UBXN4: variants seen among roughly 807,000 people sequenced by gnomAD.
UBXN4 encodes the protein UBX domain-containing protein 4.
Under a neutral mutation model 66.2 loss-of-function variants are expected in UBXN4, and 35 were observed. The observed-to-expected ratio is 0.53, with a 90% confidence interval of 0.40 to 0.70. The LOEUF (loss-of-function observed/expected upper bound fraction) is 0.70. UBXN4 is among the 30% of genes least tolerant of loss of function. The pLI is 0.00. For missense variants in UBXN4, 533 were observed against 599.8 expected (o/e 0.89, Z 1.16); for synonymous variants, 203 against 204.5 (o/e 0.99, Z 0.06).
chr2:135,769,946 G>A, intron 7 of UBXN4, 123 bp downstream of exon 7: 1 of 690,684 alleles, frequency 1.4e-6, no homozygotes, highest in Non-Finnish European at 2.2e-6. Context: ...GCAGCACTAT[G>A]AAGATAATTC....
At position 135,782,783 on chromosome 2, in the gene UBXN4, G is replaced by A; in HGVS notation, c.1423G>A (p.Gly475Arg). The A allele has an allele frequency of 1.2e-6, 2 of 1,613,932 alleles. No individual in the cohort carries two copies. Among genetic ancestry groups the A allele is most frequent in the Non-Finnish European group, 1.7e-6 (2 of 1,179,916 alleles). Residue 475 changes from glycine to arginine, a missense_variant, in exon 13 of 13, where the codon GGA becomes AGA. Coordinates refer to ENST00000272638, the MANE Select transcript of UBXN4 (RefSeq NM_014607.4). ...PVRKRVLEKRGDDFKKEGKIY... is the reference protein window; with the variant it reads ...PVRKRVLEKRRDDFKKEGKIY... ...GAGAAAAAGAGTGCTGGAAAAACGT[G>A]GAGACGACTTTAAAAAGGAGGGGAA...
Position 135,761,889 on chromosome 2 carries a change from G to A in UBXN4, c.580G>A (p.Asp194Asn). Residue 194 changes from aspartate to asparagine, a missense_variant, in exon 6 of 13, where the codon GAC becomes AAC. Physicochemically the swap from Asp to Asn is conservative, Grantham distance 23. Around this residue, in one of 2 missense-constraint regions of UBXN4, gnomAD observed 529 missense variants for 580.1 expected, o/e 0.91. Coordinates refer to ENST00000272638, the MANE Select transcript of UBXN4 (RefSeq NM_014607.4). Reference sequence around the variant, plus strand: ...ATGCTCAGATCAGAGACCTGCAGAGGACCTCAACATCCGAGTGGAAAGGTT... The same window carrying A: ...ATGCTCAGATCAGAGACCTGCAGAGAACCTCAACATCCGAGTGGAAAGGTT... ...SGCSDQRPAE[D>N]LNIRVERLTK... 1 of 1,613,414 alleles carries A rather than the reference G, an allele frequency of 6.2e-7. No homozygotes were observed. The highest frequency in any genetic ancestry group is 1.1e-5 in the South Asian group (1 of 90,852).
chr2:135,749,722 G>A (rs2077231007), intron 2 of UBXN4, among the ~76,000 whole-genome samples: 1 of 152,072 alleles, frequency 6.6e-6, no homozygotes, highest in African/African-American at 2.4e-5. Context: ...GCCAGTGTTC[G>A]ACTTTTCAGT....
At chr2:135,762,532 A>G (rs1202261840) in intron 6 of UBXN4, among the ~76,000 whole-genome samples, 1 of 152,208 alleles carries the variant, frequency 6.6e-6, no homozygotes, top group Admixed American at 6.5e-5. Context: ...AATTTTTTTA[A>G]AAAAACCTTC....
In UBXN4 at chr2:135,748,285, C is replaced by T; in HGVS notation, c.101C>T (p.Thr34Ile). The T allele has an allele frequency of 6.2e-7, 1 of 1,606,652 alleles. No homozygotes were observed. ...TTTACAGGTGATGATGAACAGTCTA[C>T]ACAGATGGCTGCAAGTTGGGAAGAT... ...VFVAGDDEQS[T>I]QMAASWEDDK... is the part of the protein sequence containing the mutation. The change falls in exon 2 of 13, where the codon ACA (threonine) becomes ATA (isoleucine). Residue 34 changes from threonine to isoleucine, a missense_variant. By Grantham distance (89) the Thr-to-Ile change is moderately conservative. Coordinates refer to ENST00000272638, the MANE Select transcript of UBXN4 (RefSeq NM_014607.4).
intron 6 of UBXN4, among the ~76,000 whole-genome samples, chr2:135,766,190 TATGG>T (rs1254069387): frequency 6.6e-6 from 1 of 151,694 alleles, no homozygotes; most frequent in Non-Finnish European, 1.5e-5. Flanking sequence ...ATGTAGAAGT[TATGG>T]AACAGTCAAT....
rs1471043432 is a variant in UBXN4 at position 135,748,375 on chromosome 2, T to C, written c.185+6T>C. 2.6e-6 allele frequency: 4 copies of C among 1,560,976 alleles called. No homozygotes were observed. Among genetic ancestry groups the C allele is most frequent in the South Asian group, 1.2e-5 (1 of 80,922 alleles). ...ATTAAAATCGATACCAAAAGGTTTG[T>C]TTATGTTTTAATATTTTATTAATTT... On this transcript the variant is annotated splice_donor_region_variant and intron_variant, in intron 2 of 12. Transcript: ENST00000272638.
chr2:135,743,049 A>G (rs983614132), intron 1 of UBXN4, among the ~76,000 whole-genome samples: 9 of 152,298 alleles, frequency 5.9e-5, no homozygotes, highest in Non-Finnish European at 8.8e-5. Context: ...GACCAAATCA[A>G]TGTTTGTGGC....
chr2:135,749,149 C>CT (rs1351518308), intron 2 of UBXN4, among the ~76,000 whole-genome samples: 6 of 152,026 alleles, frequency 3.9e-5, no homozygotes, highest in African/African-American at 1.4e-4. Context: ...GCTGAAAAAA[C>CT]TTTAAGCTTT....
intron 11 of UBXN4, 99 bp downstream of exon 11, chr2:135,779,178 C>T (rs1272667141): frequency 1.6e-6 from 2 of 1,248,826 alleles, no homozygotes; most frequent in Non-Finnish European, 2.1e-6. Context: ...CACAGATATA[C>T]TGAAGGTAAT....
chr2:135,757,908 C>A (rs1351444866), intron 5 of UBXN4, among the ~76,000 whole-genome samples: 1 of 151,722 alleles, frequency 6.6e-6, no homozygotes, highest in Non-Finnish European at 1.5e-5. Flanking sequence ...CACGGCAAAA[C>A]TCTGTCTCTA....
At chr2:135,781,696 C>T (rs2105511114) in intron 12 of UBXN4, among the ~76,000 whole-genome samples, 1 of 152,360 alleles carries the variant, frequency 6.6e-6, no homozygotes, top group South Asian at 2.1e-4. Context: ...AAGGCTGAAT[C>T]TTAAAACTCT....
intron 1 of UBXN4, among the ~76,000 whole-genome samples, chr2:135,747,343 C>A: frequency 1.4e-5 from 1 of 69,470 alleles, no homozygotes. Context: ...AGTGAAACTC[C>A]ATCTCAAAAA....
chr2:135,757,372 T>G (rs1160849100), intron 5 of UBXN4, among the ~76,000 whole-genome samples: 1 of 152,272 alleles, frequency 6.6e-6, no homozygotes, highest in Non-Finnish European at 1.5e-5. Context: ...ACTTTTTATT[T>G]TGAAATAGTT....
intron 1 of UBXN4, among the ~76,000 whole-genome samples, chr2:135,743,340 G>C (rs561809140): frequency 6.6e-6 from 1 of 152,202 alleles, no homozygotes; most frequent in South Asian, 2.1e-4. Context: ...CTGTAATCCC[G>C]TAAGGAAAAA....
At position 135,783,071 on chromosome 2, in the gene UBXN4, C is replaced by G. The variant is rs1217733577; in HGVS notation, c.*184C>G. 3 of 597,864 alleles carry G rather than the reference C, an allele frequency of 5.0e-6. No homozygotes were observed. The East Asian group carries it at 8.9e-5, about 18-fold the overall frequency. The allele number at this position is 597,864 out of a possible 1,614,324, so 37.0% of individuals were successfully genotyped here. A position where few individuals can be genotyped will look rare whatever the true frequency, so the allele number is the denominator to read the frequency against. ...AGAAAAGTAAAGACAGGAAATAACT[C>G]TCTGCTAGGTCCTTGCTTATATGGC... is the stretch of plus-strand genomic sequence containing the variant. On this transcript the variant is annotated 3_prime_UTR_variant, in exon 13 of 13. Coordinates refer to ENST00000272638, the MANE Select transcript of UBXN4 (RefSeq NM_014607.4).
chr2:135,755,274 C>A (rs1217048940), intron 4 of UBXN4, among the ~76,000 whole-genome samples: 2 of 152,018 alleles, frequency 1.3e-5, no homozygotes, highest in African/African-American at 4.8e-5. Context: ...TCTTTGAATT[C>A]TAATTTGAGG....
chr2:135,776,193 A>G (rs2077413398), intron 9 of UBXN4, 56 bp from the exon 10 acceptor site: 1 of 1,366,678 alleles, frequency 7.3e-7, no homozygotes, highest in Non-Finnish European at 1.0e-6. Context: ...ACTTAATGAT[A>G]TTGTTAGAGA....
chr2:135,753,666 A>T (rs1215125220), intron 3 of UBXN4, 99 bp downstream of exon 3: 8 of 1,063,570 alleles, frequency 7.5e-6, no homozygotes, highest in Admixed American at 3.6e-5. Context: ...TATTTAGGAA[A>T]TCATACATTC....
Sources: allele counts gnomAD v4.1 joint callset (sites outside exome capture counted in the v4.1 genomes callset), GRCh38; gene constraint gnomAD v4.1.1; regional missense constraint gnomAD v4.1.1; transcripts MANE v1.5; gene names NCBI Gene and HGNC (gene_info 2026-07-23, HGNC 2026-07-21).